Variants in CDH13 observed in about 807,000 individuals in gnomAD.
The protein encoded by CDH13 is cadherin-13.
A neutral mutation model predicts 63.8 loss-of-function variants in CDH13; 24 were observed. The observed-to-expected ratio is 0.38, with a 90% CI of 0.27 to 0.53. The LOEUF is 0.53. Ranked by LOEUF, CDH13 falls within the 20% of genes least tolerant of loss-of-function variation. The pLI, the probability that CDH13 is intolerant of heterozygous loss-of-function variation, is 0.85. For missense variants in CDH13, 1,049 were observed against 903.1 expected, an observed-to-expected ratio of 1.16 and a Z score of -2.07; for synonymous variants, 503 against 355.3, an observed-to-expected ratio of 1.42 and a Z score of -4.67.
intron 3 of CDH13, among the ~76,000 whole-genome samples, chr16:83,092,687 T>G (rs72798305): frequency 0.05 from 7,548 of 152,318 alleles, 273 homozygotes; most frequent in Non-Finnish European, 0.072. Flanking sequence ...TTTCTCTGTT[T>G]ATTTTGAGTT....
At chr16:82,634,308 CTTGTG>C (rs757327621) in intron 1 of CDH13, among the ~76,000 whole-genome samples, 1 of 152,238 alleles carries the variant, frequency 6.6e-6, no homozygotes, top group Non-Finnish European at 1.5e-5. Flanking sequence ...GAACCGCTTT[CTTGTG>C]TTGTGTGCTG....
chr16:82,644,796 C>A lies in CDH13; in HGVS notation c.45+17659C>A, dbSNP rs551822917. On this transcript the variant is annotated intron_variant, in intron 1 of 13. Transcript: ENST00000567109. The surrounding 1 kb of genome is among the most constrained non-coding windows in gnomAD (Gnocchi z 5.7). The stretch of plus-strand genomic sequence containing the variant: ...AGCAACAGGAGATCACGCAAAGCCA[C>A]GTAAGTGTCTGATTCAGTCCTCCCT... Among the ~76,000 whole-genome samples, 9 of 152,240 alleles carry A rather than the reference C, an allele frequency of 5.9e-5. No homozygotes were observed. Among genetic ancestry groups the A allele is most frequent in the Non-Finnish European group, 1.2e-4 (8 of 68,022 alleles).
rs945112686 is a variant in CDH13 at position 83,047,146 on chromosome 16, C to G, written c.366+14928C>G. On this transcript the variant is annotated intron_variant, in intron 3 of 13. Transcript: ENST00000567109. This position sits in a 1 kb window ranked among gnomAD's most constrained non-coding sequence, Gnocchi z 4.9. ...TAAAGCTTTAAACAGTAGTAGTTCT[C>G]CGTGAGACCCAAGGAAAGGTCTGCA... Among the ~76,000 whole-genome samples the G allele has an allele frequency of 1.3e-5, 2 of 152,160 alleles. No homozygotes were observed. Among genetic ancestry groups the G allele is most frequent in the Admixed American group, 6.5e-5 (1 of 15,278 alleles).
intron 5 of CDH13, among the ~76,000 whole-genome samples, chr16:83,274,919 G>C (rs1009940866): frequency 6.6e-6 from 1 of 152,150 alleles, no homozygotes; most frequent in Non-Finnish European, 1.5e-5. Context: ...ATTTAGGTGT[G>C]TTCAAATGGT....
At chr16:83,621,635 T>A (rs887151302) in intron 8 of CDH13, among the ~76,000 whole-genome samples, 2 of 151,758 alleles carry the variant, frequency 1.3e-5, no homozygotes, top group Admixed American at 1.3e-4. Flanking sequence ...TACAGGCATG[T>A]GCCACCATAC....
At chr16:83,114,686 T>C (rs1223587616) in intron 3 of CDH13, among the ~76,000 whole-genome samples, 2 of 152,230 alleles carry the variant, frequency 1.3e-5, no homozygotes, top group Non-Finnish European at 2.9e-5. Flanking sequence ...GGAGCTTGTA[T>C]CTTGCCTCTC....
At chr16:83,742,116 C>T (rs1305743747) in intron 10 of CDH13, among the ~76,000 whole-genome samples, 1 of 152,246 alleles carries the variant, frequency 6.6e-6, no homozygotes, top group East Asian at 1.9e-4. Context: ...CCCACCAATA[C>T]TTGAGCCCCT....
intron 4 of CDH13, among the ~76,000 whole-genome samples, chr16:83,200,118 G>C (rs1039929287): frequency 2.0e-5 from 3 of 152,274 alleles, no homozygotes; most frequent in Admixed American, 1.3e-4. Flanking sequence ...GCTGCCTCAA[G>C]CTTCAGACTC....
At chr16:82,633,940 GA>G in intron 1 of CDH13, among the ~76,000 whole-genome samples, 1 of 152,162 alleles carries the variant, frequency 6.6e-6, no homozygotes, top group East Asian at 1.9e-4. Context: ...ATACACATAT[GA>G]AAAAAAGTGA....
At chr16:83,279,198 C>T (rs561209829) in intron 5 of CDH13, among the ~76,000 whole-genome samples, 9 of 151,814 alleles carry the variant, frequency 5.9e-5, no homozygotes, top group Middle Eastern at 3.4e-3. Flanking sequence ...TAGATACAAA[C>T]GAGTCTAATA....
chr16:83,031,929 A>T, intron 2 of CDH13, 81 bp from the exon 3 acceptor site: 1 of 1,110,016 alleles, frequency 9.0e-7, no homozygotes, highest in Non-Finnish European at 1.3e-6. Flanking sequence ...GTGGTAATTC[A>T]CACTTAATAG....
intron 1 of CDH13, among the ~76,000 whole-genome samples, chr16:82,793,888 C>T (rs974924343): frequency 2.6e-5 from 4 of 152,086 alleles, no homozygotes; most frequent in Admixed American, 6.5e-5. Context: ...AAATATGGGA[C>T]AGGCTGGGGC....
intron 5 of CDH13, among the ~76,000 whole-genome samples, chr16:83,258,336 A>G (rs1209483835): frequency 6.6e-6 from 1 of 152,200 alleles, no homozygotes; most frequent in Non-Finnish European, 1.5e-5. Flanking sequence ...GCCTGCTTTA[A>G]CAGTCCTGGT....
intron 4 of CDH13, chr16:83,180,792 C>T: frequency 1.0e-6 from 1 of 959,128 alleles, no homozygotes; most frequent in South Asian, 1.5e-5. Context: ...CTGCTTAATC[C>T]ATGATGCTGT....
At chr16:82,982,625 T>C (rs1386067226) in intron 2 of CDH13, among the ~76,000 whole-genome samples, 1 of 152,054 alleles carries the variant, frequency 6.6e-6, no homozygotes, top group African/African-American at 2.4e-5. Context: ...TGCATTCTTA[T>C]CCCCCCAACT....
chr16:82,793,225 G>A (rs1391170212), intron 1 of CDH13, among the ~76,000 whole-genome samples: 1 of 152,232 alleles, frequency 6.6e-6, no homozygotes, highest in Non-Finnish European at 1.5e-5. Flanking sequence ...TGCAAGGGCA[G>A]CATGGGGAAT....
At chr16:82,811,565 G>T (rs1026570440) in intron 1 of CDH13, among the ~76,000 whole-genome samples, 1 of 152,050 alleles carries the variant, frequency 6.6e-6, no homozygotes, top group Non-Finnish European at 1.5e-5. Flanking sequence ...TTCGTTAGAG[G>T]GTAATGAAAA....
chr16:83,514,978 A>G (rs1053097684), intron 7 of CDH13, among the ~76,000 whole-genome samples: 35 of 152,122 alleles, frequency 2.3e-4, no homozygotes, highest in African/African-American at 8.0e-4. Flanking sequence ...CTTGATGGCG[A>G]AATGGAGACT....
chr16:83,147,238 A>G (rs116193899), intron 4 of CDH13, among the ~76,000 whole-genome samples: 1 of 152,162 alleles, frequency 6.6e-6, no homozygotes, highest in Non-Finnish European at 1.5e-5. Context: ...TTAAAGTTGA[A>G]TTGTTCCGTC....
Sources: gnomAD v4.1 joint callset for allele counts (sites outside exome capture counted in the v4.1 genomes callset) on GRCh38, gnomAD v4.1.1 for gene constraint, Gnocchi (gnomAD v3.1) non-coding constraint, MANE v1.5 for transcripts, NCBI Gene and HGNC (gene_info 2026-07-23, HGNC 2026-07-21) for gene names.